The following TAB1 variants were observed in gnomAD, a reference collection of about 807,000 sequenced individuals.
TAB1 encodes the protein TGF-beta-activated kinase 1 and MAP3K7-binding protein 1.
In TAB1, 30 loss-of-function variants were observed where a neutral mutation model predicts 54.5. The ratio of observed to expected loss-of-function variants is 0.55; its 90% CI spans 0.41 to 0.75. The LOEUF is 0.75. Among genes scored for constraint, TAB1 ranks in the 30% least tolerant of loss-of-function variants. The pLI is 0.00. For missense variants in TAB1, 609 were observed against 683.2 expected, an observed-to-expected ratio of 0.89 and a Z score of 1.21; for synonymous variants, 289 against 286.9, an observed-to-expected ratio of 1.01 and a Z score of -0.07.
chr22:39,399,970 C>T (rs886773319), intron 1 of TAB1, 135 bp downstream of exon 1: 17 of 1,004,732 alleles, frequency 1.7e-5, no homozygotes, highest in Middle Eastern at 2.6e-4. Flanking sequence ...ACCTTCTCCT[C>T]TCCTCGGGCT....
Position 39,430,308 on chromosome 22 carries a change from C to T in TAB1, c.*86C>T, listed in dbSNP as rs951636852. On this transcript the variant is annotated 3_prime_UTR_variant, in exon 11 of 11. Transcript: ENST00000216160. ...TTCCTAACATCTGCCTGTGCCACAA[C>T]GGCCAGCAGGTGCCCCATCCTCTGC... 2.4e-5 allele frequency: 38 copies of T among 1,575,046 alleles called. No homozygotes were observed. Among genetic ancestry groups the T allele is most frequent in the African/African-American group, 2.0e-4 (15 of 74,436 alleles).
In TAB1 at chr22:39,430,292, T is replaced by G. The variant is rs1214780222; in HGVS notation, c.*70T>G. ...GACAGGGTCCAGCCTTTTCCTAACA[T>G]CTGCCTGTGCCACAACGGCCAGCAG... On this transcript the variant is annotated 3_prime_UTR_variant, in exon 11 of 11. Transcript: ENST00000216160. 6.3e-7 allele frequency: 1 copy of G among 1,588,636 alleles called. No homozygotes were observed. Among genetic ancestry groups the G allele is most frequent in the African/African-American group, 1.3e-5 (1 of 74,624 alleles).
At chr22:39,413,672 A>G (rs1274428335) in intron 1 of TAB1, among the ~76,000 whole-genome samples, 2 of 151,660 alleles carry the variant, frequency 1.3e-5, no homozygotes, top group Non-Finnish European at 2.9e-5. Context: ...TGGTCCACCC[A>G]CCTCAGCTTC....
chr22:39,420,775 C>CTCTGTG (rs1555950643), intron 7 of TAB1, among the ~76,000 whole-genome samples: 18 of 71,834 alleles, frequency 2.5e-4, no homozygotes, highest in African/African-American at 8.5e-4. Flanking sequence ...CACGGTGTCT[C>CTCTGTG]TGTGTGTGTG....
At position 39,430,149 on chromosome 22, in the gene TAB1, A is replaced by G. The variant is rs1024670740; in HGVS notation, c.1442A>G (p.Tyr481Cys). 18 of 1,613,856 alleles carry G rather than the reference A, an allele frequency of 1.1e-5. No homozygotes were observed. The highest frequency in any genetic ancestry group is 1.0e-4 in the Admixed American group (6 of 60,004). ...GGCGAGGACGGTCGTGTTGAGCCCT[A>G]TGTGGACTTTGCTGAGTTTTACCGC... ...PPGEDGRVEP[Y>C]VDFAEFYRLW... Residue 481 changes from tyrosine (Y) to cysteine (C), a missense_variant, in exon 11 of 11, where the codon TAT (tyrosine) becomes TGT (cysteine). Physicochemically the swap from Tyr to Cys is radical, Grantham distance 194. Coordinates refer to ENST00000216160, the MANE Select transcript of TAB1 (RefSeq NM_006116.3).
At chr22:39,410,164 G>A (rs777232784) in intron 1 of TAB1, among the ~76,000 whole-genome samples, 2 of 152,198 alleles carry the variant, frequency 1.3e-5, no homozygotes, top group African/African-American at 2.4e-5. Context: ...CTGGAGTGCA[G>A]TGGTGTGATC....
chr22:39,418,938 G>C, intron 6 of TAB1, 93 bp downstream of exon 6: 1 of 1,038,156 alleles, frequency 9.6e-7, no homozygotes, highest in Non-Finnish European at 1.5e-6. Context: ...TGGTAGAGGG[G>C]CTGTGATCTT....
At position 39,430,628 on chromosome 22, in the gene TAB1, C is replaced by T; in HGVS notation, c.*406C>T. ...GCTGTCCCAAGCCCACCCCTCCTCC[C>T]ACCATCACCTCCCTCACCTCGGGAC... On this transcript the variant is annotated 3_prime_UTR_variant, in exon 11 of 11. Transcript: ENST00000216160. The T allele has an allele frequency of 1.8e-6, 2 of 1,094,868 alleles. No homozygotes were observed. The highest frequency in any genetic ancestry group is 2.2e-6 in the Non-Finnish European group (2 of 891,892). The allele number at this position is 1,094,868 out of a possible 1,614,324, so 67.8% of individuals were successfully genotyped here. A position where few individuals can be genotyped will look rare whatever the true frequency, so the allele number is the denominator to read the frequency against.
intron 7 of TAB1, among the ~76,000 whole-genome samples, 193 bp downstream of exon 7, chr22:39,419,823 G>A (rs1026269907): frequency 1.3e-5 from 2 of 151,868 alleles, no homozygotes; most frequent in Admixed American, 6.6e-5. Context: ...TGGGGCAGAC[G>A]CAGACTGTAG....
chr22:39,426,629 G>A, intron 8 of TAB1, 74 bp from the exon 9 acceptor site: 2 of 1,345,630 alleles, frequency 1.5e-6, no homozygotes, highest in East Asian at 4.8e-5. Flanking sequence ...CTGATTTTAG[G>A]CTCCAAGATT....
At position 39,416,066 on chromosome 22, in the gene TAB1, C is replaced by T. The variant is rs78769584; in HGVS notation, c.324+413C>T. 8.0e-3 allele frequency among the ~76,000 whole-genome samples: 1,222 copies of T among 152,264 alleles called. 17 individuals carry two copies. The highest frequency in any genetic ancestry group is 0.025 in the South Asian group (120 of 4,822). ...TTGCCTCCCCTTTCTGAGGGGCCGC[C>T]GCCCTCATTGACTGGTTCCACCTTT... On this transcript the variant is annotated intron_variant, in intron 3 of 10. Coordinates refer to ENST00000216160, the MANE Select transcript of TAB1 (RefSeq NM_006116.3).
At chr22:39,428,227 C>G in intron 10 of TAB1, 44 bp downstream of exon 10, 1 of 1,360,720 alleles carries the variant, frequency 7.3e-7, no homozygotes, top group Non-Finnish European at 1.0e-6. Context: ...CTGTCACCCC[C>G]GTGTGTGTCC....
chr22:39,417,762 C>G lies in TAB1; in HGVS notation c.463C>G (p.Leu155Val). The G allele has an allele frequency of 1.9e-6, 3 of 1,613,360 alleles. No homozygotes were observed. Among genetic ancestry groups the G allele is most frequent in the Non-Finnish European group, 2.5e-6 (3 of 1,179,692 alleles). ...TCAGTATCAGAAGATCCTTGAGAGA[C>G]TCAAGACGTTAGAGAGGGAAATTTC... ...PPQYQKILERLKTLEREISGG... is the reference protein window; with the variant it reads ...PPQYQKILERVKTLEREISGG... Residue 155 changes from leucine (L) to valine (V), a missense_variant, in exon 5 of 11, where the codon CTC becomes GTC. Coordinates refer to ENST00000216160, the MANE Select transcript of TAB1 (RefSeq NM_006116.3).
chr22:39,403,309 G>A (rs2096982620), intron 1 of TAB1, among the ~76,000 whole-genome samples: 2 of 152,236 alleles, frequency 1.3e-5, no homozygotes, highest in East Asian at 1.9e-4. Context: ...ACAGAATGTT[G>A]GGGGTGCCAT....
chr22:39,421,764 A>G (rs545156679), intron 7 of TAB1, 63 bp from the exon 8 acceptor site: 72 of 1,571,090 alleles, frequency 4.6e-5, no homozygotes, highest in Non-Finnish European at 5.8e-5. Flanking sequence ...TCCCCTCAGC[A>G]GAATCAGCAT....
rs550306107 is a variant in TAB1, at chr22:39,423,794, T to C, written c.921+1823T>C. On this transcript the variant is annotated intron_variant, in intron 8 of 10. Transcript: ENST00000216160. The stretch of plus-strand genomic sequence containing the variant: ...GTAAGTAATGTATAGTGTTTTATAG[T>C]GTACATTGTAACTAATGTATAGTGT... Among the ~76,000 whole-genome samples the C allele has an allele frequency of 3.3e-3, 497 of 151,338 alleles. 5 individuals carry two copies. The highest frequency in any genetic ancestry group is 0.029 in the East Asian group (145 of 4,996).
At position 39,431,120 on chromosome 22, in the gene TAB1, G is replaced by T; in HGVS notation, c.*898G>T. 1 of 985,966 alleles carries T rather than the reference G, an allele frequency of 1.0e-6. No individual in the cohort carries two copies. The allele number at this position is 985,966 out of a possible 1,614,324, so 61.1% of individuals were successfully genotyped here. A position where few individuals can be genotyped will look rare whatever the true frequency, so the allele number is the denominator to read the frequency against. On this transcript the variant is annotated 3_prime_UTR_variant, in exon 11 of 11. Transcript: ENST00000216160. Reference sequence around the variant, plus strand: ...CGGCTGAGGGTAGCAAGCAGGGGTTGTGAGTCAGGCTGGGGGACTTGTTTG... The same window carrying T: ...CGGCTGAGGGTAGCAAGCAGGGGTTTTGAGTCAGGCTGGGGGACTTGTTTG...
At chr22:39,402,770 A>G (rs922582384) in intron 1 of TAB1, among the ~76,000 whole-genome samples, 1 of 151,856 alleles carries the variant, frequency 6.6e-6, no homozygotes, top group African/African-American at 2.4e-5. Context: ...TAGGCTGGTC[A>G]TGAACTCCTG....
chr22:39,407,047 C>G (rs552274250), intron 1 of TAB1, among the ~76,000 whole-genome samples: 1 of 152,106 alleles, frequency 6.6e-6, no homozygotes, highest in African/African-American at 2.4e-5. Flanking sequence ...TCAAAACTTT[C>G]GACAGTCTGG....
Sources: allele counts gnomAD v4.1 joint callset (sites outside exome capture counted in the v4.1 genomes callset), GRCh38; gene constraint gnomAD v4.1.1; transcripts MANE v1.5; gene names NCBI Gene and HGNC (gene_info 2026-07-23, HGNC 2026-07-21).